The following NAA60 variants were observed in gnomAD, a reference collection of about 807,000 sequenced individuals.
NAA60 encodes the protein N-alpha-acetyltransferase 60.
NAA60 carries 8 observed loss-of-function variants against 26.1 expected under a neutral mutation model. That is an observed-to-expected ratio of 0.31 (90% CI 0.18 to 0.55). The LOEUF is 0.55. Ranked by LOEUF, NAA60 falls within the 20% of genes least tolerant of loss-of-function variation. The pLI is 0.93. For synonymous variants in NAA60, 131 were observed against 122.5 expected (o/e 1.07, Z -0.46); for missense variants, 290 against 311.3 (o/e 0.93, Z 0.51).
chr16:3,458,418 G>C (rs1418755358), intron 2 of NAA60, among the ~76,000 whole-genome samples: 1 of 152,142 alleles, frequency 6.6e-6, no homozygotes, highest in African/African-American at 2.4e-5. Context: ...AGGAGGTCGC[G>C]GCTCTCATGC....
rs555307424 is a variant in NAA60, at chr16:3,485,719, G to A, written c.*459G>A. 134 of 456,082 alleles carry A rather than the reference G, an allele frequency of 2.9e-4. 3 individuals are homozygous for A. Among genetic ancestry groups the A allele is most frequent in the South Asian group, 1.9e-3 (123 of 64,562 alleles). 28.3% of individuals were successfully genotyped at this position (456,082 alleles called of 1,614,324 possible). On this transcript the variant is annotated 3_prime_UTR_variant, in exon 8 of 8. Coordinates refer to ENST00000407558, the MANE Select transcript of NAA60 (RefSeq NM_001083601.3). ...TTGACCGTAAAGGCACAGGAGCCTCGGAACAAGGGGGCGCAATAAAGGGAA... is the reference window on the plus strand; with the variant it reads ...TTGACCGTAAAGGCACAGGAGCCTCAGAACAAGGGGGCGCAATAAAGGGAA...
At chr16:3,447,591 A>T (rs2034606037) in intron 1 of NAA60, 5 of 985,438 alleles carry the variant, frequency 5.1e-6, no homozygotes, top group Non-Finnish European at 6.0e-6. Flanking sequence ...ACTGACACAG[A>T]GCCTTCTCAC....
chr16:3,482,997 C>A (rs180849830), intron 5 of NAA60: 2 of 470,198 alleles, frequency 4.3e-6, no homozygotes, highest in African/African-American at 1.9e-5. Flanking sequence ...TGTCCCACCC[C>A]ACTCGGCCAC....
chr16:3,462,729 C>G (rs983738839), intron 2 of NAA60: 23 of 152,070 alleles, frequency 1.5e-4, no homozygotes, highest in Middle Eastern at 3.2e-3. Context: ...GTTGTAAGCA[C>G]AAGAAACCAC....
chr16:3,477,099 C>A (rs932239808), intron 3 of NAA60, among the ~76,000 whole-genome samples: 46 of 151,860 alleles, frequency 3.0e-4, no homozygotes, highest in Admixed American at 6.6e-4. Flanking sequence ...TAGTATGTAC[C>A]ACGATCCTAT....
In NAA60 at chr16:3,469,577, T is replaced by C. The variant is rs56912690; in HGVS notation, c.-6-6645T>C. 3.2e-3 allele frequency among the ~76,000 whole-genome samples: 243 copies of C among 76,634 alleles called. 2 individuals carry two copies. Among genetic ancestry groups the C allele is most frequent in the African/African-American group, 6.6e-3 (140 of 21,284 alleles). 50.3% of individuals were successfully genotyped at this position (76,634 alleles called of 152,430 possible). A position where few individuals can be genotyped will look rare whatever the true frequency, so the allele number is the denominator to read the frequency against. On this transcript the variant is annotated intron_variant, in intron 2 of 7. Transcript: ENST00000407558. ...CTCAGAGCAGAGAGCACCTGCCTGGTGGGGCCTGTCTCTGACTTTGCCTTG... is the reference window on the plus strand; with the variant it reads ...CTCAGAGCAGAGAGCACCTGCCTGGCGGGGCCTGTCTCTGACTTTGCCTTG...
chr16:3,471,427 C>A (rs559090281), intron 2 of NAA60, among the ~76,000 whole-genome samples: 2 of 152,058 alleles, frequency 1.3e-5, no homozygotes, highest in African/African-American at 2.4e-5. Context: ...GGCGTGAACC[C>A]GGGAGGCGGA....
At chr16:3,478,933 C>T (rs1289848470) in intron 3 of NAA60, among the ~76,000 whole-genome samples, 1 of 152,098 alleles carries the variant, frequency 6.6e-6, no homozygotes, top group South Asian at 2.1e-4. Context: ...AGTTTCATGT[C>T]GGATAAAATT....
chr16:3,477,583 C>G (rs1307180900), intron 3 of NAA60, among the ~76,000 whole-genome samples: 1 of 143,148 alleles, frequency 7.0e-6, no homozygotes, highest in South Asian at 2.2e-4. Flanking sequence ...GGTGGATCAC[C>G]TGAGGTCAGG....
intron 2 of NAA60, among the ~76,000 whole-genome samples, chr16:3,449,619 A>G (rs2034693516): frequency 6.6e-6 from 1 of 152,122 alleles, no homozygotes; most frequent in African/African-American, 2.4e-5. Context: ...CAGGAAATGG[A>G]GGTTGCAGTG....
intron 2 of NAA60, chr16:3,448,782 T>C: frequency 1.0e-5 from 4 of 398,930 alleles, no homozygotes; most frequent in Non-Finnish European, 1.8e-5. Context: ...CTTTAAACTA[T>C]AAAGAAGTAA....
At chr16:3,449,163 A>T (rs140423238) in intron 2 of NAA60, among the ~76,000 whole-genome samples, 6,581 of 151,034 alleles carry the variant, frequency 0.044, 201 homozygotes, top group Middle Eastern at 0.063. Flanking sequence ...TCTGGAGGTC[A>T]GGAGTTCGAG....
At chr16:3,466,084 A>T (rs930469407) in intron 2 of NAA60, among the ~76,000 whole-genome samples, 2 of 152,230 alleles carry the variant, frequency 1.3e-5, no homozygotes, top group African/African-American at 4.8e-5. Context: ...ACGTTTTGAC[A>T]ACTGTGAAAC....
intron 5 of NAA60, 139 bp from the exon 6 acceptor site, chr16:3,483,224 G>T (rs551523022): frequency 1.4e-6 from 1 of 699,298 alleles, no homozygotes; most frequent in East Asian, 2.7e-5. Flanking sequence ...GACTTTGACA[G>T]TGGTGGTGAA....
chr16:3,460,793 A>T (rs1484107773), intron 2 of NAA60, among the ~76,000 whole-genome samples: 1 of 152,244 alleles, frequency 6.6e-6, no homozygotes, highest in African/African-American at 2.4e-5. Context: ...GATCTGCAAA[A>T]AGATGCTGAA....
rs1007876786 is a variant in NAA60 at position 3,486,673 on chromosome 16, C to T, written c.*1413C>T. The T allele has an allele frequency of 3.9e-5, 6 of 152,344 alleles. No individual in the cohort carries two copies. Among genetic ancestry groups the T allele is most frequent in the African/African-American group, 1.4e-4 (6 of 41,440 alleles). The allele number at this position is 152,344 out of a possible 1,614,324, so 9.4% of individuals were successfully genotyped here. ...CCTGACAGTGCTGGCGGGAGGGCCG[C>T]ACCATGCTGACTGCCTGAATCTCTG... On this transcript the variant is annotated 3_prime_UTR_variant, in exon 8 of 8. Transcript: ENST00000407558.
chr16:3,469,001 G>A (rs1039624716), intron 2 of NAA60, among the ~76,000 whole-genome samples: 1 of 151,332 alleles, frequency 6.6e-6, no homozygotes, highest in Non-Finnish European at 1.5e-5. Context: ...CGTGAGAATC[G>A]CTTGAACTCG....
chr16:3,481,852 C>T (rs1159703495), intron 4 of NAA60, among the ~76,000 whole-genome samples: 1 of 152,174 alleles, frequency 6.6e-6, no homozygotes. Flanking sequence ...CAGCCCAGCA[C>T]GTGGGAGCAG....
At chr16:3,468,151 A>C (rs986550278) in intron 2 of NAA60, 4 of 152,226 alleles carry the variant, frequency 2.6e-5, no homozygotes, top group African/African-American at 9.6e-5. Flanking sequence ...GCAACCAATC[A>C]GAGGCTGAAG....
Sources: allele counts gnomAD v4.1 joint callset (sites outside exome capture counted in the v4.1 genomes callset), GRCh38; gene constraint gnomAD v4.1.1; transcripts MANE v1.5; gene names NCBI Gene and HGNC (gene_info 2026-07-23, HGNC 2026-07-21).